The following CDK14 variants were observed in gnomAD, a reference collection of about 807,000 sequenced individuals.
CDK14 encodes the protein cyclin-dependent kinase 14.
In CDK14, 34 loss-of-function variants were observed where a neutral mutation model predicts 60.7. The ratio of observed to expected loss-of-function variants is 0.56; its 90% CI spans 0.43 to 0.75. The LOEUF is 0.75. CDK14 is among the 30% of genes least tolerant of loss of function. The probability of loss-of-function intolerance (pLI) is 0.00; values close to 1 mark genes in which losing one functional copy is unlikely to be tolerated. For missense variants in CDK14, 482 were observed against 564.1 expected, an observed-to-expected ratio of 0.85 and a Z score of 1.47; for synonymous variants, 197 against 203.7, an observed-to-expected ratio of 0.97 and a Z score of 0.28.
At chr7:90,997,446 ATTTG>A (rs1795717387) in intron 10 of CDK14, among the ~76,000 whole-genome samples, 1 of 152,166 alleles carries the variant, frequency 6.6e-6, no homozygotes, top group African/African-American at 2.4e-5. Flanking sequence ...TCCTTCTTTC[ATTTG>A]TTTGTTTAAA....
intron 2 of CDK14, among the ~76,000 whole-genome samples, chr7:90,658,411 G>A (rs1367732677): frequency 6.6e-6 from 1 of 152,136 alleles, no homozygotes; most frequent in Admixed American, 6.5e-5. Context: ...CCCTTTATAA[G>A]GGCACTTATC....
chr7:90,836,077 G>C (rs777617311), intron 5 of CDK14, among the ~76,000 whole-genome samples: 1 of 152,198 alleles, frequency 6.6e-6, no homozygotes, highest in Non-Finnish European at 1.5e-5. Flanking sequence ...GAGTCAATGA[G>C]TGAGTAATGA....
At chr7:91,042,413 C>T (rs1217700618) in intron 10 of CDK14, among the ~76,000 whole-genome samples, 2 of 152,132 alleles carry the variant, frequency 1.3e-5, no homozygotes, top group African/African-American at 4.8e-5. Flanking sequence ...CTCTCCCATA[C>T]CATCAGCTTT....
chr7:91,005,359 C>T (rs3779577), intron 10 of CDK14, among the ~76,000 whole-genome samples: 22,206 of 152,232 alleles, frequency 0.15, 1,838 homozygotes, highest in Middle Eastern at 0.27. Flanking sequence ...GCACCATCTA[C>T]GGACAAAACT....
intron 5 of CDK14, among the ~76,000 whole-genome samples, chr7:90,841,948 A>G (rs561911571): frequency 1.8e-4 from 27 of 152,236 alleles, no homozygotes; most frequent in African/African-American, 6.5e-4. Flanking sequence ...GCTAGCAGAG[A>G]CAAAGCCTAG....
chr7:90,685,483 T>C (rs1801412543), intron 2 of CDK14, among the ~76,000 whole-genome samples: 1 of 151,992 alleles, frequency 6.6e-6, no homozygotes, highest in African/African-American at 2.4e-5. Context: ...ATTTAATTTA[T>C]TATATTTCTT....
chr7:90,932,366 A>G (rs987575713), intron 8 of CDK14, among the ~76,000 whole-genome samples: 1 of 152,206 alleles, frequency 6.6e-6, no homozygotes. Context: ...GAAAAGAAAA[A>G]TAAAATTATG....
chr7:91,190,821 A>G (rs79323512), intron 14 of CDK14, among the ~76,000 whole-genome samples: 55 of 152,306 alleles, frequency 3.6e-4, no homozygotes, highest in African/African-American at 1.3e-3. Flanking sequence ...AGAGATCAAA[A>G]GAGACTTCCA....
chr7:90,982,168 A>T (rs1795245240), intron 9 of CDK14, among the ~76,000 whole-genome samples: 1 of 152,212 alleles, frequency 6.6e-6, no homozygotes, highest in South Asian at 2.1e-4. Flanking sequence ...AATGTCGAGC[A>T]TGGTAGATGG....
At chr7:91,121,918 G>A (rs942478985) in intron 14 of CDK14, among the ~76,000 whole-genome samples, 1 of 152,172 alleles carries the variant, frequency 6.6e-6, no homozygotes, top group Admixed American at 6.5e-5. Context: ...TGCATGCAGT[G>A]ATACCAAACA....
At chr7:90,749,354 G>A (rs1318806907) in intron 4 of CDK14, among the ~76,000 whole-genome samples, 1 of 152,114 alleles carries the variant, frequency 6.6e-6, no homozygotes, top group African/African-American at 2.4e-5. Flanking sequence ...ACCTCATCTG[G>A]ATTGGCAACC....
chr7:91,081,587 G>A (rs1176478809), intron 12 of CDK14, among the ~76,000 whole-genome samples: 2 of 152,128 alleles, frequency 1.3e-5, no homozygotes, highest in African/African-American at 2.4e-5. Flanking sequence ...TGAAGCTAGT[G>A]GAGATGTTAA....
chr7:90,882,079 T>A (rs1033791684), intron 6 of CDK14, among the ~76,000 whole-genome samples: 4 of 152,022 alleles, frequency 2.6e-5, no homozygotes, highest in Admixed American at 2.6e-4. Flanking sequence ...TAAATTCACA[T>A]ATACCAATAC....
intron 10 of CDK14, among the ~76,000 whole-genome samples, chr7:90,996,539 T>C (rs1252034449): frequency 1.3e-5 from 2 of 152,254 alleles, no homozygotes; most frequent in African/African-American, 4.8e-5. Context: ...GCATTTCCCT[T>C]AGAGAACAGT....
At chr7:90,672,507 T>G (rs1056349930) in intron 2 of CDK14, among the ~76,000 whole-genome samples, 3 of 23,440 alleles carry the variant, frequency 1.3e-4, no homozygotes, top group East Asian at 4.7e-3. Flanking sequence ...CTTCTGTTTT[T>G]TTTTTTTTTT....
chr7:90,976,493 C>A (rs538484775), intron 9 of CDK14, among the ~76,000 whole-genome samples: 2 of 152,072 alleles, frequency 1.3e-5, no homozygotes, highest in South Asian at 4.2e-4. Context: ...GTAGCTGAGA[C>A]TACTACAGGT....
chr7:90,843,502 A>G (rs75708773), intron 5 of CDK14, among the ~76,000 whole-genome samples: 1,968 of 152,314 alleles, frequency 0.013, 31 homozygotes, highest in African/African-American at 0.044. Context: ...TCTAGATTTT[A>G]AGGATTAATG....
chr7:91,015,037 C>G (rs535570703), intron 10 of CDK14, among the ~76,000 whole-genome samples: 1 of 152,162 alleles, frequency 6.6e-6, no homozygotes, highest in Non-Finnish European at 1.5e-5. Context: ...AGGAGTCTAT[C>G]TATCTTTATG....
intron 5 of CDK14, among the ~76,000 whole-genome samples, chr7:90,798,857 T>C (rs953360338): frequency 6.6e-6 from 1 of 152,200 alleles, no homozygotes; most frequent in African/African-American, 2.4e-5. Context: ...GTTGTAGTGC[T>C]CAGGGTCAGC....
Sources: allele counts gnomAD v4.1 joint callset (sites outside exome capture counted in the v4.1 genomes callset), GRCh38; gene constraint gnomAD v4.1.1; transcripts MANE v1.5; gene names NCBI Gene and HGNC (gene_info 2026-07-23, HGNC 2026-07-21).